SAMD12: variants seen among roughly 807,000 people sequenced by gnomAD.
The protein encoded by SAMD12 is sterile alpha motif domain-containing protein 12.
Under a neutral mutation model 15.0 loss-of-function variants are expected in SAMD12, and 9 were observed. The ratio of observed to expected loss-of-function variants is 0.60; its 90% confidence interval spans 0.36 to 1.05. The LOEUF is 1.05. SAMD12 is among the 50% of genes least tolerant of loss of function. SAMD12 has a pLI of 0.01. For synonymous variants in SAMD12, 86 were observed against 90.1 expected, an observed-to-expected ratio of 0.96 and a Z score of 0.25; for missense variants, 230 against 234.2, an observed-to-expected ratio of 0.98 and a Z score of 0.12.
chr8:118,425,469 A>C (rs1822204095), intron 3 of SAMD12, among the ~76,000 whole-genome samples: 1 of 152,162 alleles, frequency 6.6e-6, no homozygotes, highest in South Asian at 2.1e-4. Context: ...TGAGCCCAGG[A>C]GTTCAAGATC....
At chr8:118,491,616 C>T (rs1439324846) in intron 2 of SAMD12, among the ~76,000 whole-genome samples, 1 of 152,250 alleles carries the variant, frequency 6.6e-6, no homozygotes, top group Admixed American at 6.5e-5. Flanking sequence ...AATCCCTACC[C>T]CTCAGAGTAA....
chr8:118,144,143 G>A, the SAMD12 span, among the ~76,000 whole-genome samples: 2 of 152,198 alleles, frequency 1.3e-5, no homozygotes, highest in Non-Finnish European at 2.9e-5. Flanking sequence ...TCTCCTCTGT[G>A]TGTCTTATAA....
At chr8:118,604,846 C>T (rs1051169526) in intron 1 of SAMD12, among the ~76,000 whole-genome samples, 47 of 151,812 alleles carry the variant, frequency 3.1e-4, no homozygotes, top group African/African-American at 1.0e-3. Flanking sequence ...GGCATGAACC[C>T]GGGGGACGGA....
downstream of SAMD12, among the ~76,000 whole-genome samples, chr8:118,188,226 AG>A (rs1356002705): frequency 1.3e-5 from 2 of 152,180 alleles, no homozygotes; most frequent in Non-Finnish European, 2.9e-5. Context: ...AGAAAGAGAC[AG>A]GAAGAGAAGA....
At chr8:118,211,124 T>C (rs1811813241) in intron 4 of SAMD12, among the ~76,000 whole-genome samples, 1 of 152,198 alleles carries the variant, frequency 6.6e-6, no homozygotes, top group Admixed American at 6.5e-5. Flanking sequence ...CTCTCCTTGC[T>C]GTTTACAGAT....
chr8:118,224,930 T>G (rs1812155634), intron 4 of SAMD12, among the ~76,000 whole-genome samples: 1 of 152,212 alleles, frequency 6.6e-6, no homozygotes, highest in Non-Finnish European at 1.5e-5. Context: ...TTTCTGGCAC[T>G]AAAAACGTTT....
At chr8:118,440,981 G>A (rs1474359032) in intron 2 of SAMD12, among the ~76,000 whole-genome samples, 1 of 152,030 alleles carries the variant, frequency 6.6e-6, no homozygotes, top group African/African-American at 2.4e-5. Context: ...CAAGGACGTG[G>A]CCATTATTAT....
At chr8:118,411,277 A>G (rs1406610353) in intron 3 of SAMD12, among the ~76,000 whole-genome samples, 2 of 152,188 alleles carry the variant, frequency 1.3e-5, no homozygotes, top group African/African-American at 2.4e-5. Flanking sequence ...CTCCTTGCTT[A>G]GTTCAAAAAT....
chr8:118,529,211 C>T (rs1825617893), intron 2 of SAMD12, among the ~76,000 whole-genome samples: 1 of 152,174 alleles, frequency 6.6e-6, no homozygotes, highest in East Asian at 1.9e-4. Context: ...GTTTCATTTA[C>T]TTTTCAGAGG....
rs140014009 is a variant in SAMD12 at position 118,524,904 on chromosome 8, C to T, written c.192+55811G>A. 1.2e-3 allele frequency among the ~76,000 whole-genome samples: 186 copies of T among 152,324 alleles called. 1 individual carries two copies. The highest frequency in any genetic ancestry group is 4.3e-3 in the African/African-American group (178 of 41,578). On this transcript the variant is annotated intron_variant, in intron 2 of 3. Transcript: ENST00000314727. Reference sequence around the variant, plus strand: ...TTCCAACAGCTTCCTAAGTGGGATCCCTGCTTCCTGCTTTTCCCCTGACAG... The same window carrying T: ...TTCCAACAGCTTCCTAAGTGGGATCTCTGCTTCCTGCTTTTCCCCTGACAG...
In SAMD12 at chr8:118,547,638, G is replaced by A. The variant is rs528362251; in HGVS notation, c.192+33077C>T. Among the ~76,000 whole-genome samples, 8 of 152,230 alleles carry A rather than the reference G, an allele frequency of 5.3e-5. No homozygotes were observed. The South Asian group carries it at 1.7e-3, about 32-fold the overall frequency. ...CTGCTAAGAGAACTCCAGTCTTTAT[G>A]GGTTTCTTGAAAGGTAGGGTGAGAG... On this transcript the variant is annotated intron_variant, in intron 2 of 3. Transcript: ENST00000314727.
At chr8:118,490,623 G>T (rs1824415751) in intron 2 of SAMD12, among the ~76,000 whole-genome samples, 1 of 152,016 alleles carries the variant, frequency 6.6e-6, no homozygotes, top group Non-Finnish European at 1.5e-5. Context: ...CACATCTCAG[G>T]AATACCACGT....
chr8:118,570,727 T>C (rs1826987904), intron 2 of SAMD12, among the ~76,000 whole-genome samples: 1 of 152,000 alleles, frequency 6.6e-6, no homozygotes, highest in African/African-American at 2.4e-5. Flanking sequence ...TACCCAGTTA[T>C]GAGATTCCCG....
intron 4 of SAMD12, among the ~76,000 whole-genome samples, chr8:118,220,619 G>T (rs1024627649): frequency 6.6e-6 from 1 of 151,954 alleles, no homozygotes; most frequent in Non-Finnish European, 1.5e-5. Context: ...TCAATTTCTT[G>T]TTACAAACCC....
At chr8:118,459,147 C>A (rs1005165949) in intron 2 of SAMD12, among the ~76,000 whole-genome samples, 1 of 152,036 alleles carries the variant, frequency 6.6e-6, no homozygotes, top group Non-Finnish European at 1.5e-5. Context: ...CTCACTACAA[C>A]CTCCGCCTCC....
At chr8:118,313,605 A>G (rs1586500296) in intron 4 of SAMD12, among the ~76,000 whole-genome samples, 2 of 152,126 alleles carry the variant, frequency 1.3e-5, no homozygotes, top group Admixed American at 1.3e-4. Context: ...GGTATAGCAG[A>G]CAGAATGTGT....
chr8:118,621,811 A>G lies in SAMD12; in HGVS notation c.6T>C (p.Ala2=). M[A]VEALHCGLNP... Reference sequence around the variant, plus strand: ...GCCCCAAGCGTCCCTTACCTTCCACAGCCATTCTCTCAGAGCTTCCCTAAC... The same window carrying G: ...GCCCCAAGCGTCCCTTACCTTCCACGGCCATTCTCTCAGAGCTTCCCTAAC... The change falls in exon 1 of 4, where the codon GCT becomes GCC. Residue 2 remains alanine (A), a synonymous_variant. Coordinates refer to ENST00000314727, the MANE Select transcript of SAMD12 (RefSeq NM_207506.3). 1 of 1,614,100 alleles carries G rather than the reference A, an allele frequency of 6.2e-7. No individual in the cohort carries two copies. Among genetic ancestry groups the G allele is most frequent in the Non-Finnish European group, 8.5e-7 (1 of 1,179,986 alleles).
intron 1 of SAMD12, among the ~76,000 whole-genome samples, chr8:118,589,529 A>G (rs1021068301): frequency 2.0e-5 from 3 of 152,248 alleles, no homozygotes; most frequent in African/African-American, 7.2e-5. Flanking sequence ...TGCTTAACTT[A>G]GGTATTGCAG....
intron 4 of SAMD12, among the ~76,000 whole-genome samples, chr8:118,336,538 C>G (rs771965668): frequency 3.3e-5 from 5 of 152,124 alleles, no homozygotes; most frequent in Non-Finnish European, 7.3e-5. Context: ...GTAGATACCC[C>G]GTAATGGGAT....
Sources: allele counts gnomAD v4.1 joint callset (sites outside exome capture counted in the v4.1 genomes callset), GRCh38; gene constraint gnomAD v4.1.1; transcripts MANE v1.5; gene names NCBI Gene and HGNC (gene_info 2026-07-23, HGNC 2026-07-21).